The following VWA8 variants were observed in gnomAD, a reference collection of about 807,000 sequenced individuals.
The protein encoded by VWA8 is von Willebrand factor A domain containing 8.
In VWA8, 221 loss-of-function variants were observed where a neutral mutation model predicts 241.5. The observed-to-expected ratio is 0.91, with a 90% CI of 0.82 to 1.02. The LOEUF is 1.02. VWA8 is among the 50% of genes least tolerant of loss of function. The probability of loss-of-function intolerance (pLI) is 0.00; values close to 1 mark genes in which losing one functional copy is unlikely to be tolerated. For missense variants in VWA8, 2,322 were observed against 2,328.7 expected (o/e 1.00, Z 0.06); for synonymous variants, 852 against 827.1 (o/e 1.03, Z -0.52).
chr13:41,827,965 T>G (rs908820310), intron 14 of VWA8, among the ~76,000 whole-genome samples: 1 of 152,228 alleles, frequency 6.6e-6, no homozygotes, highest in Non-Finnish European at 1.5e-5. Flanking sequence ...CTTTGATTCA[T>G]CCTTCTGAAA....
chr13:41,924,513 C>T (rs1361383828), intron 2 of VWA8, among the ~76,000 whole-genome samples: 1 of 151,994 alleles, frequency 6.6e-6, no homozygotes, highest in African/African-American at 2.4e-5. Flanking sequence ...AGAGTGAAGA[C>T]AGCCCATGGG....
intron 43 of VWA8, 44 bp downstream of exon 43, chr13:41,575,696 C>T (rs1566373385): frequency 6.9e-7 from 1 of 1,444,610 alleles, no homozygotes; most frequent in Admixed American, 1.8e-5. Flanking sequence ...TTTACCTAAC[C>T]TGATAGAAGC....
At position 41,570,491 on chromosome 13, in the gene VWA8, G is replaced by T. The variant is rs781092993; in HGVS notation, c.5586C>A (p.Gly1862=). ...ACCTGGTTGCTTGATCACCTAAAGA[G>T]CCAATAAAAATGGCAAAAGCATTTA... ...PQVNAFAIFI[G]SLGDQATRLQ... The change falls in exon 44 of 45, where the codon GGC becomes GGA. Residue 1862 remains glycine (G), a synonymous_variant. Transcript: ENST00000379310. 1.2e-6 allele frequency: 2 copies of T among 1,614,114 alleles called. No homozygotes were observed. Among genetic ancestry groups the T allele is most frequent in the Non-Finnish European group, 1.7e-6 (2 of 1,180,012 alleles).
At chr13:41,934,839 G>A (rs1055996172) in intron 2 of VWA8, among the ~76,000 whole-genome samples, 3 of 151,892 alleles carry the variant, frequency 2.0e-5, no homozygotes, top group Non-Finnish European at 2.9e-5. Context: ...ATGTTTCCTG[G>A]TTATATACAT....
chr13:41,757,676 T>C (rs1439220989), intron 21 of VWA8, among the ~76,000 whole-genome samples: 1 of 151,652 alleles, frequency 6.6e-6, no homozygotes, highest in African/African-American at 2.4e-5. Context: ...CTCCCACTTA[T>C]AAGAGAGAAC....
intron 14 of VWA8, among the ~76,000 whole-genome samples, chr13:41,829,188 G>A (rs1018295859): frequency 6.6e-6 from 1 of 152,096 alleles, no homozygotes; most frequent in African/African-American, 2.4e-5. Flanking sequence ...AAACCACAAT[G>A]AGATACCACC....
chr13:41,602,811 C>A (rs947353411), intron 40 of VWA8, among the ~76,000 whole-genome samples: 1 of 152,034 alleles, frequency 6.6e-6, no homozygotes, highest in Non-Finnish European at 1.5e-5. Context: ...ATCTTGGTGA[C>A]AATGACGATG....
intron 21 of VWA8, among the ~76,000 whole-genome samples, chr13:41,738,013 T>C (rs2045538820): frequency 6.6e-6 from 1 of 152,086 alleles, no homozygotes; most frequent in Admixed American, 6.5e-5. Flanking sequence ...ACATTACTCA[T>C]CTCTACAGAA....
intron 21 of VWA8, 129 bp downstream of exon 21, chr13:41,760,999 A>G (rs9566843): frequency 0.044 from 40,040 of 907,344 alleles, 1,086 homozygotes; most frequent in East Asian, 0.1. Context: ...AGAAGAGATA[A>G]GAGCAAGAAG....
intron 2 of VWA8, among the ~76,000 whole-genome samples, chr13:41,943,656 A>C (rs1877703547): frequency 6.6e-6 from 1 of 152,204 alleles, no homozygotes; most frequent in African/African-American, 2.4e-5. Context: ...TACATAAAAA[A>C]CTTTTGCAAC....
At chr13:41,573,425 A>T (rs1174749619) in intron 43 of VWA8, among the ~76,000 whole-genome samples, 31 of 148,100 alleles carry the variant, frequency 2.1e-4, no homozygotes, top group African/African-American at 7.7e-4. Flanking sequence ...CTCAAAACAA[A>T]CAAAGAATAA....
At chr13:41,768,049 G>A (rs911315334) in intron 20 of VWA8, among the ~76,000 whole-genome samples, 11 of 152,362 alleles carry the variant, frequency 7.2e-5, no homozygotes, top group African/African-American at 2.6e-4. Context: ...CATTAACTAA[G>A]GGGTTTGAGA....
At chr13:41,958,638 A>G (rs1200932077) in intron 1 of VWA8, among the ~76,000 whole-genome samples, 4 of 152,238 alleles carry the variant, frequency 2.6e-5, no homozygotes, top group Admixed American at 2.0e-4. Context: ...CTCAGGCCTC[A>G]GAGTAGCCAA....
At chr13:41,870,090 T>A (rs1186326624) in intron 9 of VWA8, among the ~76,000 whole-genome samples, 3 of 152,056 alleles carry the variant, frequency 2.0e-5, no homozygotes, top group African/African-American at 7.2e-5. Context: ...CTCAAGACAA[T>A]CACTAACTCC....
chr13:41,937,294 T>C (rs1012002663), intron 2 of VWA8, among the ~76,000 whole-genome samples: 2 of 152,208 alleles, frequency 1.3e-5, no homozygotes, highest in Non-Finnish European at 2.9e-5. Context: ...CAATATATAA[T>C]TAAATAATTA....
rs201654359 is a variant in VWA8 at position 41,575,760 on chromosome 13, G to T, written c.5350C>A (p.Gln1784Lys). ...TTTACCTTCAGAATTTCTAGTCTTT[G>T]CTTATTGTCCTTGGGGATTTTGTTC... The part of the protein sequence containing the change: ...PMNKIPKDNK[Q>K]RLEILKTMHA... The change falls in exon 43 of 45, where the codon CAA (glutamine) becomes AAA (lysine). Residue 1784 changes from glutamine (Q) to lysine (K), a missense_variant. Coordinates refer to ENST00000379310, the MANE Select transcript of VWA8 (RefSeq NM_015058.2). 840 of 1,612,702 alleles carry T rather than the reference G, an allele frequency of 5.2e-4. 10 individuals carry two copies. The South Asian group carries it at 8.7e-3, about 17-fold the overall frequency.
At chr13:41,722,129 AAGGG>A (rs2045397822) in intron 24 of VWA8, among the ~76,000 whole-genome samples, 1 of 152,210 alleles carries the variant, frequency 6.6e-6, no homozygotes, top group South Asian at 2.1e-4. Context: ...TGTACTAAAA[AAGGG>A]AGAATTAGTA....
chr13:41,829,980 C>G (rs972632331), intron 14 of VWA8, among the ~76,000 whole-genome samples: 16 of 152,128 alleles, frequency 1.1e-4, no homozygotes, highest in East Asian at 3.8e-4. Flanking sequence ...CAGTGGCTCA[C>G]GCCTGTAATC....
intron 2 of VWA8, among the ~76,000 whole-genome samples, chr13:41,936,752 A>G (rs2138147073): frequency 6.6e-6 from 1 of 152,322 alleles, no homozygotes; most frequent in African/African-American, 2.4e-5. Context: ...TAGATTTTAA[A>G]TGTTCTCACC....
Sources: allele counts gnomAD v4.1 joint callset (sites outside exome capture counted in the v4.1 genomes callset), GRCh38; gene constraint gnomAD v4.1.1; transcripts MANE v1.5; gene names NCBI Gene and HGNC (gene_info 2026-07-23, HGNC 2026-07-21).